PDE11A: variants seen among roughly 807,000 people sequenced by gnomAD.
PDE11A encodes dual 3',5'-cyclic-AMP and -GMP phosphodiesterase 11A.
Under a neutral mutation model 100.5 loss-of-function variants are expected in PDE11A, and 100 were observed. The ratio of observed to expected loss-of-function variants is 1.00; its 90% CI spans 0.85 to 1.18. The LOEUF (loss-of-function observed/expected upper bound fraction) is 1.18. PDE11A is among the 50% of genes most tolerant of loss of function. The pLI is 0.00. For synonymous variants in PDE11A, 381 were observed against 420.8 expected, an observed-to-expected ratio of 0.91 and a Z score of 1.16; for missense variants, 1,141 against 1,152.6, an observed-to-expected ratio of 0.99 and a Z score of 0.15.
intron 2 of PDE11A, among the ~76,000 whole-genome samples, chr2:177,947,483 T>C (rs1398080906): frequency 1.3e-5 from 2 of 152,224 alleles, no homozygotes; most frequent in South Asian, 2.1e-4. Context: ...CCCTGTGCTC[T>C]CTGAAACATG....
At chr2:177,943,890 T>C (rs2085373582) in intron 2 of PDE11A, among the ~76,000 whole-genome samples, 1 of 152,214 alleles carries the variant, frequency 6.6e-6, no homozygotes, top group Non-Finnish European at 1.5e-5. Flanking sequence ...CCATTTTGGG[T>C]TAAGTTTTGT....
rs139573803 is a variant in PDE11A, at chr2:177,714,275, G to C, written c.2044-2397C>G. ...CCCAAAGTGCTGGGATTACAGGCGTGAGCCACTACGCCCAGCCCCCCACTA... is the reference window on the plus strand; with the variant it reads ...CCCAAAGTGCTGGGATTACAGGCGTCAGCCACTACGCCCAGCCCCCCACTA... On this transcript the variant is annotated intron_variant, in intron 12 of 19. Transcript: ENST00000286063. Among the ~76,000 whole-genome samples the C allele has an allele frequency of 2.1e-3, 325 of 152,246 alleles. 10 individuals carry two copies. The East Asian group carries it at 0.058, about 27-fold the overall frequency.
intron 5 of PDE11A, among the ~76,000 whole-genome samples, chr2:177,854,727 G>C (rs1558974941): frequency 6.6e-6 from 1 of 152,100 alleles, no homozygotes; most frequent in Non-Finnish European, 1.5e-5. Flanking sequence ...TAAATGAAGT[G>C]GCTTTGATAC....
In PDE11A at chr2:177,848,443, C is replaced by T. The variant is rs1050935481; in HGVS notation, c.1368-8060G>A. On this transcript the variant is annotated intron_variant, in intron 5 of 19. Transcript: ENST00000286063. ...AAGCTCGATTCACTTCAGCATAACA[C>T]TCTAATTGTAAAGAAATCCTTTATC... Among the ~76,000 whole-genome samples, 3 of 152,282 alleles carry T rather than the reference C, an allele frequency of 2.0e-5. No homozygotes were observed. In the East Asian group the frequency reaches 5.8e-4, roughly 29 times the overall value.
chr2:177,944,847 T>C (rs1379080863), intron 2 of PDE11A, among the ~76,000 whole-genome samples: 1 of 137,088 alleles, frequency 7.3e-6, no homozygotes, highest in Non-Finnish European at 1.6e-5. Flanking sequence ...TCCGTCTCCC[T>C]CTCCCTCTCC....
At position 177,628,468 on chromosome 2, in the gene PDE11A, C is replaced by T. The variant is rs1010868201; in HGVS notation, c.*939G>A. ...TGTTTCTTACACTTAAGGAAAAATC[C>T]AAAATTAGGGACCCCTATAGTTTGC... On this transcript the variant is annotated 3_prime_UTR_variant, in exon 20 of 20. Transcript: ENST00000286063. 2 of 152,530 alleles carry T rather than the reference C, an allele frequency of 1.3e-5. No individual in the cohort carries two copies. The highest frequency in any genetic ancestry group is 2.9e-5 in the Non-Finnish European group (2 of 68,022). 9.4% of individuals were successfully genotyped at this position (152,530 alleles called of 1,614,324 possible).
At chr2:177,935,077 C>T (rs766058082) in intron 2 of PDE11A, among the ~76,000 whole-genome samples, 5 of 152,084 alleles carry the variant, frequency 3.3e-5, no homozygotes, top group Non-Finnish European at 7.4e-5. Context: ...GGTAACAAAA[C>T]TGGACATGTA....
rs1024634641 is a variant in PDE11A, at chr2:178,040,157, T to C, written c.913-25697A>G. On this transcript the variant is annotated intron_variant, in intron 1 of 19. Transcript: ENST00000286063. ...TCAGCTCACTGCAACCTCCACCTTC[T>C]GGATTCAAGCTATTCTTCTGCCTCA... Among the ~76,000 whole-genome samples the C allele has an allele frequency of 2.0e-5, 3 of 149,246 alleles. 1 individual carries two copies. Among genetic ancestry groups the C allele is most frequent in the South Asian group, 4.4e-4 (2 of 4,526 alleles).
At chr2:177,997,748 A>T (rs924542520) in intron 2 of PDE11A, 20 of 1,443,640 alleles carry the variant, frequency 1.4e-5, no homozygotes, top group Non-Finnish European at 1.9e-5. Context: ...CATTCCACAT[A>T]ACTGAACTGT....
intron 19 of PDE11A, among the ~76,000 whole-genome samples, chr2:177,642,402 C>T (rs181332998): frequency 6.6e-6 from 1 of 152,310 alleles, no homozygotes; most frequent in East Asian, 1.9e-4. Flanking sequence ...GAGGCAAGGA[C>T]TTAAATAGCT....
intron 15 of PDE11A, among the ~76,000 whole-genome samples, chr2:177,691,106 A>G (rs2081034262): frequency 6.6e-6 from 1 of 152,208 alleles, no homozygotes; most frequent in Non-Finnish European, 1.5e-5. Flanking sequence ...ACAGGAAGAT[A>G]CTGTAATGCC....
rs138156608 is a variant in PDE11A, at chr2:177,640,574, G to A, written c.2647-11012C>T. On this transcript the variant is annotated intron_variant, in intron 19 of 19. Coordinates refer to ENST00000286063, the MANE Select transcript of PDE11A (RefSeq NM_016953.4). ...AGCCAATTGTGGGAGCAGAGCCTAA[G>A]TTATAAATTAGTGAATTGTTGAACT... 4.9e-3 allele frequency among the ~76,000 whole-genome samples: 742 copies of A among 152,334 alleles called. 5 individuals are homozygous for A. Among genetic ancestry groups the A allele is most frequent in the East Asian group, 0.029 (153 of 5,188 alleles).
intron 2 of PDE11A, among the ~76,000 whole-genome samples, chr2:178,099,499 T>C (rs1361088963): frequency 6.8e-6 from 1 of 147,330 alleles, no homozygotes; most frequent in Non-Finnish European, 1.5e-5. Context: ...ACAGTATATA[T>C]GGTTCAACAT....
intron 5 of PDE11A, among the ~76,000 whole-genome samples, chr2:177,847,213 T>A (rs2083615566): frequency 6.6e-6 from 1 of 152,218 alleles, no homozygotes; most frequent in Non-Finnish European, 1.5e-5. Context: ...CTGAGTAGGA[T>A]GAAGTGGGTA....
At chr2:177,705,501 A>G (rs1322625662) in intron 13 of PDE11A, among the ~76,000 whole-genome samples, 1 of 152,194 alleles carries the variant, frequency 6.6e-6, no homozygotes, top group East Asian at 1.9e-4. Context: ...AAAGCTTTTC[A>G]TTTTGGATAG....
At chr2:178,058,004 C>T (rs1337351700) in intron 1 of PDE11A, among the ~76,000 whole-genome samples, 1 of 152,060 alleles carries the variant, frequency 6.6e-6, no homozygotes, top group African/African-American at 2.4e-5. Flanking sequence ...ATTACAAGCA[C>T]CTGCCACCGT....
chr2:177,855,255 C>T (rs1352189238), intron 5 of PDE11A, among the ~76,000 whole-genome samples: 1 of 151,878 alleles, frequency 6.6e-6, no homozygotes, highest in Non-Finnish European at 1.5e-5. Context: ...TCCCTATTAC[C>T]TTGGACATAG....
At chr2:177,853,924 GTA>G (rs1282411174) in intron 5 of PDE11A, among the ~76,000 whole-genome samples, 11 of 143,654 alleles carry the variant, frequency 7.7e-5, no homozygotes, top group Middle Eastern at 3.3e-3. Flanking sequence ...GCATATATAT[GTA>G]TATATATGTG....
intron 2 of PDE11A, among the ~76,000 whole-genome samples, chr2:177,952,958 G>A (rs2085521804): frequency 6.6e-6 from 1 of 152,088 alleles, no homozygotes; most frequent in Admixed American, 6.6e-5. Context: ...TGATTATTAA[G>A]CTTCACAACT....
Sources: gnomAD v4.1 joint callset for allele counts (sites outside exome capture counted in the v4.1 genomes callset) on GRCh38, gnomAD v4.1.1 for gene constraint, MANE v1.5 for transcripts, NCBI Gene and HGNC (gene_info 2026-07-23, HGNC 2026-07-21) for gene names.